Variants in ZNF487 observed in about 807,000 individuals in gnomAD.
ZNF487 encodes zinc finger protein 487, also known as KRAB domain only 1.
In ZNF487, 4 loss-of-function variants were observed where a neutral mutation model predicts 3.0. The observed-to-expected ratio is 1.35, with a 90% CI of 0.66 to 3.08. ZNF487 has a LOEUF of 3.08. Ranked by LOEUF, ZNF487 falls within the 30% of genes most tolerant of loss-of-function variation. The pLI is 0.01. For missense variants in ZNF487, 146 were observed against 98.7 expected, an observed-to-expected ratio of 1.48 and a Z score of -2.03; for synonymous variants, 55 against 34.6, an observed-to-expected ratio of 1.59 and a Z score of -2.06.
intron 3 of ZNF487, among the ~76,000 whole-genome samples, chr10:43,480,419 A>AT (rs978556470): frequency 1.0e-4 from 14 of 140,088 alleles, no homozygotes; most frequent in African/African-American, 3.5e-4. Flanking sequence ...TTTTATTATT[A>AT]TTTTTTTATT....
the ZNF487 span, among the ~76,000 whole-genome samples, chr10:43,502,638 T>C: frequency 6.6e-6 from 1 of 152,210 alleles, no homozygotes; most frequent in African/African-American, 2.4e-5. Context: ...TGATGTATCA[T>C]ACATAATACT....
At chr10:43,483,836 A>G (rs1841445370), downstream of ZNF487, among the ~76,000 whole-genome samples, 1 of 149,524 alleles carries the variant, frequency 6.7e-6, no homozygotes, top group Admixed American at 6.7e-5. Context: ...CCAATAATTG[A>G]TATTTTATTT....
intron 1 of ZNF487, among the ~76,000 whole-genome samples, chr10:43,441,232 G>A (rs1408943103): frequency 1.3e-5 from 2 of 150,784 alleles, no homozygotes; most frequent in Non-Finnish European, 3.0e-5. Flanking sequence ...CTCCCAAAGT[G>A]CTGGGAGTAT....
At chr10:43,466,060 C>T (rs988169625) in intron 1 of ZNF487, among the ~76,000 whole-genome samples, 11 of 152,184 alleles carry the variant, frequency 7.2e-5, no homozygotes, top group Admixed American at 3.9e-4. Context: ...TGGCGGTGCG[C>T]GCCTGCAATC....
chr10:43,437,530 A>C (rs951703633), intron 1 of ZNF487, among the ~76,000 whole-genome samples: 3 of 152,082 alleles, frequency 2.0e-5, no homozygotes, highest in African/African-American at 7.2e-5. Context: ...GTCCTGGACG[A>C]GTGACCCTGG....
At chr10:43,502,101 C>T in the ZNF487 span, among the ~76,000 whole-genome samples, 111 of 152,124 alleles carry the variant, frequency 7.3e-4, 1 homozygote, top group Non-Finnish European at 1.3e-3. Flanking sequence ...TATTGCGGCA[C>T]TATTCACAAT....
At chr10:43,437,295 T>G in intron 1 of ZNF487, 33 bp downstream of exon 1, 1 of 204,138 alleles carries the variant, frequency 4.9e-6, no homozygotes, top group South Asian at 5.3e-5. Flanking sequence ...GGGCCGGGTC[T>G]GAGGTCGAGG....
chr10:43,490,010 T>C, the ZNF487 span, among the ~76,000 whole-genome samples: 2 of 152,132 alleles, frequency 1.3e-5, no homozygotes, highest in South Asian at 2.1e-4. Context: ...TTATATACTA[T>C]AGACAAGAAA....
rs74137737 is a variant in ZNF487 at position 43,476,757 on chromosome 10, C to T, written c.130+555C>T. On this transcript the variant is annotated intron_variant, in intron 3 of 3. Transcript: ENST00000437590. ...CTGTGAACCTTAGGCCACAGTGTCA[C>T]GTGTGCAGGACAGCAGTGAGCCAGG... is the stretch of plus-strand genomic sequence containing the variant. Among the ~76,000 whole-genome samples the T allele has an allele frequency of 7.3e-3, 1,104 of 152,214 alleles. 11 individuals carry two copies. The highest frequency in any genetic ancestry group is 0.022 in the African/African-American group (904 of 41,518).
chr10:43,490,319 T>C, the ZNF487 span, among the ~76,000 whole-genome samples: 2 of 151,754 alleles, frequency 1.3e-5, no homozygotes, highest in Non-Finnish European at 2.9e-5. Flanking sequence ...GCCACTGTAC[T>C]CCAGCCTGGG....
the ZNF487 span, among the ~76,000 whole-genome samples, chr10:43,503,099 G>T: frequency 6.6e-6 from 1 of 151,426 alleles, no homozygotes; most frequent in Non-Finnish European, 1.5e-5. Context: ...ATTCCAGAAG[G>T]CACTGTTATC....
At chr10:43,511,764 T>G in the ZNF487 span, among the ~76,000 whole-genome samples, 19 of 152,274 alleles carry the variant, frequency 1.2e-4, no homozygotes, top group African/African-American at 4.1e-4. Flanking sequence ...AGAGGCTGAG[T>G]GCTGTCCACG....
At chr10:43,519,603 G>A in the ZNF487 span, among the ~76,000 whole-genome samples, 2 of 151,744 alleles carry the variant, frequency 1.3e-5, no homozygotes, top group Non-Finnish European at 2.9e-5. Context: ...AAGCAGCTGG[G>A]ACTACAGGTG....
chr10:43,442,046 A>G (rs1438558827), intron 1 of ZNF487, among the ~76,000 whole-genome samples: 1 of 152,036 alleles, frequency 6.6e-6, no homozygotes, highest in Admixed American at 6.6e-5. Context: ...AATGTAGCTA[A>G]CCCTGTCTGT....
At chr10:43,461,671 G>A (rs1840437304) in intron 1 of ZNF487, among the ~76,000 whole-genome samples, 1 of 152,018 alleles carries the variant, frequency 6.6e-6, no homozygotes, top group African/African-American at 2.4e-5. Context: ...CATGTTTAGT[G>A]TTTTCTCTTT....
rs1201351964 is a variant in ZNF487 at position 43,482,435 on chromosome 10, AC to A, written c.*514del. 5 of 471,128 alleles carry A rather than the reference AC, an allele frequency of 1.1e-5. No individual in the cohort carries two copies. The highest frequency in any genetic ancestry group is 3.2e-4 in the Middle Eastern group (1 of 3,112). 29.2% of individuals were successfully genotyped at this position (471,128 alleles called of 1,614,324 possible). A position where few individuals can be genotyped will look rare whatever the true frequency, so the allele number is the denominator to read the frequency against. The stretch of plus-strand genomic sequence containing the variant: ...CTATGAATGCACTGAATGTGGGAAA[AC>A]TTTTGGATATAGGTCATGCCTTGCA... On this transcript the variant is annotated 3_prime_UTR_variant, in exon 4 of 4. Coordinates refer to ENST00000437590, the MANE Select transcript of ZNF487 (RefSeq NM_001355444.3).
downstream of ZNF487, among the ~76,000 whole-genome samples, chr10:43,485,013 T>G (rs1439586318): frequency 6.6e-6 from 1 of 152,242 alleles, no homozygotes; most frequent in Non-Finnish European, 1.5e-5. Context: ...GTCTCCACAT[T>G]GTTCAAATGG....
chr10:43,499,608 A>G, the ZNF487 span, among the ~76,000 whole-genome samples: 2 of 152,148 alleles, frequency 1.3e-5, no homozygotes, highest in African/African-American at 4.8e-5. Flanking sequence ...AAAATTAGCC[A>G]GGCAAAGTGC....
At chr10:43,473,378 C>T (rs903838624) in intron 1 of ZNF487, among the ~76,000 whole-genome samples, 2 of 151,956 alleles carry the variant, frequency 1.3e-5, no homozygotes, top group Non-Finnish European at 2.9e-5. Flanking sequence ...CCGCGCCTGG[C>T]GTAGGACACT....
Sources: allele counts gnomAD v4.1 joint callset (sites outside exome capture counted in the v4.1 genomes callset), GRCh38; gene constraint gnomAD v4.1.1; transcripts MANE v1.5; gene names NCBI Gene and HGNC (gene_info 2026-07-23, HGNC 2026-07-21).